The following COMMD9 variants were observed in gnomAD, a reference collection of about 807,000 sequenced individuals.
COMMD9 encodes the protein COMM domain-containing protein 9.
COMMD9 carries 22 observed loss-of-function variants against 23.4 expected under a neutral mutation model. The ratio of observed to expected loss-of-function variants is 0.94; its 90% CI spans 0.67 to 1.34. The LOEUF (loss-of-function observed/expected upper bound fraction) is 1.34. Among genes scored for constraint, COMMD9 ranks in the 40% most tolerant of loss-of-function variants. The pLI is 0.00. For synonymous variants in COMMD9, 99 were observed against 97.4 expected (o/e 1.02, Z -0.10); for missense variants, 231 against 240.2 (o/e 0.96, Z 0.25).
At chr11:36,276,303 C>G in intron 4 of COMMD9, 63 bp from the exon 5 acceptor site, 1 of 1,176,992 alleles carries the variant, frequency 8.5e-7, no homozygotes, top group South Asian at 1.2e-5. Flanking sequence ...ATTTATTGTA[C>G]GACAGGCGGC....
At chr11:36,278,259 G>A (rs1856007506) in intron 3 of COMMD9, 1 of 498,212 alleles carries the variant, frequency 2.0e-6, no homozygotes, top group Non-Finnish European at 3.5e-6. Flanking sequence ...TCTTACAGAG[G>A]TGTAAAGAGG....
intron 1 of COMMD9, among the ~76,000 whole-genome samples, chr11:36,281,038 A>G (rs1458075095): frequency 6.6e-6 from 1 of 152,184 alleles, no homozygotes; most frequent in African/African-American, 2.4e-5. Context: ...TTGGACATAT[A>G]CAGAAAACAT....
At chr11:36,282,510 A>AG (rs1407441625) in intron 1 of COMMD9, among the ~76,000 whole-genome samples, 3 of 150,992 alleles carry the variant, frequency 2.0e-5, no homozygotes, top group African/African-American at 7.3e-5. Flanking sequence ...AGGTGCTGAA[A>AG]GGGAAAAAAA....
At chr11:36,286,067 G>A (rs1856146645) in intron 1 of COMMD9, among the ~76,000 whole-genome samples, 1 of 152,124 alleles carries the variant, frequency 6.6e-6, no homozygotes, top group South Asian at 2.1e-4. Flanking sequence ...AATAAAATGT[G>A]TGCAGATCAG....
At chr11:36,280,966 T>A in intron 1 of COMMD9, 129 bp from the exon 2 acceptor site, 1 of 960,340 alleles carries the variant, frequency 1.0e-6, no homozygotes, top group Non-Finnish European at 1.4e-6. Flanking sequence ...AGACTTTGGA[T>A]TCTAGGAAGA....
At position 36,274,773 on chromosome 11, in the gene COMMD9, C is replaced by G; in HGVS notation, c.457-1G>C. On this transcript the variant is annotated splice_acceptor_variant, in intron 5 of 5. Coordinates refer to ENST00000263401, the MANE Select transcript of COMMD9 (RefSeq NM_014186.4). LOFTEE classifies it high-confidence loss of function. Reference sequence around the variant, plus strand: ...CGCATAGGCTGGGATCTTCTTGGATCTGAAACGAGAACACAGCCCAGAAAG... The same window carrying G: ...CGCATAGGCTGGGATCTTCTTGGATGTGAAACGAGAACACAGCCCAGAAAG... 6.2e-7 allele frequency: 1 copy of G among 1,614,212 alleles called. No homozygotes were observed. Among genetic ancestry groups the G allele is most frequent in the Non-Finnish European group, 8.5e-7 (1 of 1,180,020 alleles).
intron 3 of COMMD9, 165 bp downstream of exon 3, chr11:36,278,312 C>A: frequency 1.6e-6 from 1 of 617,552 alleles, no homozygotes; most frequent in Non-Finnish European, 2.8e-6. Flanking sequence ...TAAGAAAAGA[C>A]TACCACTAAC....
rs1244993706 is a variant in COMMD9, at chr11:36,273,000, TAATC to T, written c.*1628_*1631del. 1 of 152,244 alleles carries T rather than the reference TAATC, an allele frequency of 6.6e-6. No homozygotes were observed. The highest frequency in any genetic ancestry group is 1.5e-5 in the Non-Finnish European group (1 of 68,040). 9.4% of individuals were successfully genotyped at this position (152,244 alleles called of 1,614,324 possible). On this transcript the variant is annotated 3_prime_UTR_variant, in exon 6 of 6. Transcript: ENST00000263401. ...CAAGCTTTCTACTCTCATCCATTAA[TAATC>T]AAAGCCTTTCCTATTAGTTGTAACA...
intron 1 of COMMD9, among the ~76,000 whole-genome samples, chr11:36,281,118 T>C (rs1243552821): frequency 6.6e-6 from 1 of 152,078 alleles, no homozygotes; most frequent in Admixed American, 6.6e-5. Context: ...AATGACACAG[T>C]GGTGAGTTCC....
At chr11:36,286,205 C>T (rs751477187) in intron 1 of COMMD9, among the ~76,000 whole-genome samples, 2 of 151,874 alleles carry the variant, frequency 1.3e-5, no homozygotes, top group African/African-American at 2.4e-5. Flanking sequence ...GATAAACATA[C>T]ATAAATCAGT....
rs1238140212 is a variant in COMMD9 at position 36,273,943 on chromosome 11, A to C, written c.*689T>G. 1 of 177,078 alleles carries C rather than the reference A, an allele frequency of 5.6e-6. No homozygotes were observed. The allele number at this position is 177,078 out of a possible 1,614,324, so 11.0% of individuals were successfully genotyped here. On this transcript the variant is annotated 3_prime_UTR_variant, in exon 6 of 6. Transcript: ENST00000263401. ...AAAAGCTTCAACTTGGGGACAAAAGAAGCTACAAAAATCATGGAAGTTTTA... is the reference window on the plus strand; with the variant it reads ...AAAAGCTTCAACTTGGGGACAAAAGCAGCTACAAAAATCATGGAAGTTTTA...
In COMMD9 at chr11:36,287,155, ATACT is replaced by A. The variant is rs1383630634; in HGVS notation, c.51+2203_51+2206del. On this transcript the variant is annotated intron_variant, in intron 1 of 5. Transcript: ENST00000263401. ...GTATATCGCGTAGTATGTATACTACATACTATGTATATCGCGTAGTATGTATACT... is the reference window on the plus strand; with the variant it reads ...GTATATCGCGTAGTATGTATACTACAATGTATATCGCGTAGTATGTATACT... Among the ~76,000 whole-genome samples, 66 of 7,704 alleles carry A rather than the reference ATACT, an allele frequency of 8.6e-3. 14 individuals are homozygous for A. Among genetic ancestry groups the A allele is most frequent in the Non-Finnish European group, 0.014 (59 of 4,290 alleles). The allele number at this position is 7,704 out of a possible 152,430, so 5.1% of individuals were successfully genotyped here.
At chr11:36,279,713 G>T (rs1856034054) in intron 2 of COMMD9, among the ~76,000 whole-genome samples, 1 of 152,124 alleles carries the variant, frequency 6.6e-6, no homozygotes, top group Non-Finnish European at 1.5e-5. Flanking sequence ...ATCTACTTTG[G>T]GGGGGAACCC....
At chr11:36,286,435 AAAAG>A (rs1210131730) in intron 1 of COMMD9, among the ~76,000 whole-genome samples, 3,067 of 93,948 alleles carry the variant, frequency 0.033, 121 homozygotes, top group East Asian at 0.15. Flanking sequence ...AGAAAGAAAG[AAAAG>A]AAAAAAAAAA....
In COMMD9 at chr11:36,287,054, A is replaced by G. The variant is rs113053181; in HGVS notation, c.51+2308T>C. On this transcript the variant is annotated intron_variant, in intron 1 of 5. Coordinates refer to ENST00000263401, the MANE Select transcript of COMMD9 (RefSeq NM_014186.4). ...AATAGTAAGTATGCTATATATGTAT[A>G]CTACATACTATGTATATCGCGTAGT... Among the ~76,000 whole-genome samples the G allele has an allele frequency of 5.7e-4, 87 of 151,412 alleles. 3 individuals carry two copies. Among genetic ancestry groups the G allele is most frequent in the African/African-American group, 1.8e-3 (74 of 41,242 alleles).
chr11:36,289,325 A>G (rs762876342), intron 1 of COMMD9, 37 bp downstream of exon 1: 2 of 1,542,428 alleles, frequency 1.3e-6, no homozygotes, highest in South Asian at 2.4e-5. Context: ...TCGGAGACAA[A>G]GGGCCACCTC....
chr11:36,281,272 C>T (rs975323542), intron 1 of COMMD9, among the ~76,000 whole-genome samples: 1 of 152,160 alleles, frequency 6.6e-6, no homozygotes, highest in Non-Finnish European at 1.5e-5. Flanking sequence ...GGCAGCCTTG[C>T]AAGACAGAAA....
chr11:36,274,154 G>A lies in COMMD9; in HGVS notation c.*478C>T. On this transcript the variant is annotated 3_prime_UTR_variant, in exon 6 of 6. Transcript: ENST00000263401. Reference sequence around the variant, plus strand: ...CACTCTGGATGGACCATGCTCTGTGGGCTCTGCCTGGCTTCCCTGACAGAG... The same window carrying A: ...CACTCTGGATGGACCATGCTCTGTGAGCTCTGCCTGGCTTCCCTGACAGAG... The A allele has an allele frequency of 7.1e-6, 3 of 423,958 alleles. No homozygotes were observed. Among genetic ancestry groups the A allele is most frequent in the South Asian group, 5.2e-5 (3 of 57,828 alleles). The allele number at this position is 423,958 out of a possible 1,614,324, so 26.3% of individuals were successfully genotyped here.
At chr11:36,286,410 AAAAGAAAG>A (rs1179106289) in intron 1 of COMMD9, among the ~76,000 whole-genome samples, 207 of 104,800 alleles carry the variant, frequency 2.0e-3, no homozygotes, top group African/African-American at 7.6e-3. Flanking sequence ...AAAAAAAAAA[AAAAGAAAG>A]AAAGAAAGAA....
Sources: allele counts gnomAD v4.1 joint callset (sites outside exome capture counted in the v4.1 genomes callset), GRCh38; gene constraint gnomAD v4.1.1; transcripts MANE v1.5; gene names NCBI Gene and HGNC (gene_info 2026-07-23, HGNC 2026-07-21).